Variants in ASZ1 observed in about 807,000 individuals in gnomAD.
ASZ1 encodes ankyrin repeat, SAM and basic leucine zipper domain containing 1.
Under a neutral mutation model 61.8 loss-of-function variants are expected in ASZ1, and 67 were observed. The ratio of observed to expected loss-of-function variants is 1.08; its 90% confidence interval spans 0.89 to 1.33. The LOEUF (loss-of-function observed/expected upper bound fraction) is 1.33, where lower values mean the gene tolerates loss of function less well. Among genes scored for constraint, ASZ1 ranks in the 40% most tolerant of loss-of-function variants. The pLI, the probability that ASZ1 is intolerant of heterozygous loss-of-function variation, is 0.00. For missense variants in ASZ1, 577 were observed against 554.5 expected (o/e 1.04, Z -0.41); for synonymous variants, 193 against 192.7 (o/e 1.00, Z -0.01).
At chr7:117,418,510 A>T (rs1272208627) in intron 4 of ASZ1, among the ~76,000 whole-genome samples, 2 of 151,984 alleles carry the variant, frequency 1.3e-5, no homozygotes, top group Non-Finnish European at 2.9e-5. Flanking sequence ...AAAATCAGTC[A>T]GTCGTGGTGG....
intron 4 of ASZ1, among the ~76,000 whole-genome samples, chr7:117,403,095 T>C (rs1796711209): frequency 6.6e-6 from 1 of 152,176 alleles, no homozygotes; most frequent in African/African-American, 2.4e-5. Context: ...GGCAAGATGG[T>C]AAAGGTCCGT....
intron 4 of ASZ1, among the ~76,000 whole-genome samples, chr7:117,387,453 T>G (rs1454324912): frequency 1.3e-5 from 2 of 152,168 alleles, no homozygotes; most frequent in Non-Finnish European, 2.9e-5. Flanking sequence ...ACTGTTGATG[T>G]CTCATCTCCA....
intron 4 of ASZ1, among the ~76,000 whole-genome samples, chr7:117,397,225 C>T (rs1339200116): frequency 1.3e-5 from 2 of 151,610 alleles, no homozygotes; most frequent in African/African-American, 2.4e-5. Flanking sequence ...TGAACCGAAC[C>T]GAACCGAACC....
rs10709348 is a variant in ASZ1, at chr7:117,401,381, GTT to G, written c.441-15574_441-15573del. Among the ~76,000 whole-genome samples the G allele has an allele frequency of 8.9e-3, 1,285 of 144,722 alleles. 36 individuals carry two copies. The highest frequency in any genetic ancestry group is 0.06 in the Admixed American group (877 of 14,664). The allele number at this position is 144,722 out of a possible 152,430, so 94.9% of individuals were successfully genotyped here. A position where few individuals can be genotyped will look rare whatever the true frequency, so the allele number is the denominator to read the frequency against. ...TACATAGGGATATCATAGCAAAGCT[GTT>G]TTTTTTTTTTTAAAAAAAAAGACCA... On this transcript the variant is annotated intron_variant, in intron 4 of 12. Transcript: ENST00000284629.
At chr7:117,406,115 G>C (rs969078561) in intron 4 of ASZ1, among the ~76,000 whole-genome samples, 15 of 152,218 alleles carry the variant, frequency 9.9e-5, no homozygotes, top group African/African-American at 2.6e-4. Flanking sequence ...AATGCTGTCG[G>C]GCATAGAAGC....
At chr7:117,407,226 G>A (rs941821750) in intron 4 of ASZ1, among the ~76,000 whole-genome samples, 1 of 152,084 alleles carries the variant, frequency 6.6e-6, no homozygotes, top group African/African-American at 2.4e-5. Flanking sequence ...ACATGCTCAA[G>A]AAAGCTGATA....
chr7:117,415,760 T>C (rs879257775), intron 4 of ASZ1, among the ~76,000 whole-genome samples: 13 of 151,730 alleles, frequency 8.6e-5, no homozygotes, highest in East Asian at 1.9e-4. Flanking sequence ...AAATGAAATA[T>C]AAAACAACAA....
chr7:117,389,086 T>G lies in ASZ1; in HGVS notation c.441-3277A>C, dbSNP rs536465141. Among the ~76,000 whole-genome samples the G allele has an allele frequency of 1.1e-4, 16 of 152,310 alleles. No homozygotes were observed. The South Asian group carries it at 3.3e-3, about 32-fold the overall frequency. On this transcript the variant is annotated intron_variant, in intron 4 of 12. Transcript: ENST00000284629. ...ATTAGAAATGCACCTAGTATTTGCA[T>G]ATATGCATATATAAATACAGGGTGA...
At chr7:117,414,333 C>G (rs1030896960) in intron 4 of ASZ1, among the ~76,000 whole-genome samples, 1 of 151,994 alleles carries the variant, frequency 6.6e-6, no homozygotes, top group Non-Finnish European at 1.5e-5. Flanking sequence ...CATTGACACC[C>G]AGGAATCCAA....
intron 4 of ASZ1, among the ~76,000 whole-genome samples, chr7:117,398,726 C>G (rs1051277579): frequency 2.0e-5 from 3 of 152,212 alleles, no homozygotes; most frequent in African/African-American, 7.2e-5. Flanking sequence ...ACACAGGTTA[C>G]TATCTAGCCT....
At chr7:117,367,870 G>A in intron 11 of ASZ1, 1 of 985,950 alleles carries the variant, frequency 1.0e-6, no homozygotes, top group South Asian at 4.7e-5. Context: ...TGCTTTTGCA[G>A]GCCACTTCCA....
At chr7:117,405,645 C>T (rs1053093611) in intron 4 of ASZ1, among the ~76,000 whole-genome samples, 1 of 152,216 alleles carries the variant, frequency 6.6e-6, no homozygotes, top group Admixed American at 6.5e-5. Flanking sequence ...TTTCCCTGAT[C>T]GCATCATCTT....
intron 4 of ASZ1, among the ~76,000 whole-genome samples, chr7:117,391,106 C>T (rs1796458851): frequency 6.6e-6 from 1 of 150,988 alleles, no homozygotes. Flanking sequence ...TTTCATGTTT[C>T]TTGACTGCTT....
intron 10 of ASZ1, among the ~76,000 whole-genome samples, chr7:117,379,098 G>A (rs1275243601): frequency 7.1e-6 from 1 of 140,278 alleles, no homozygotes; most frequent in Non-Finnish European, 1.5e-5. Flanking sequence ...CATTGAACAC[G>A]GAAGTAGTTA....
At chr7:117,397,146 C>T (rs975822401) in intron 4 of ASZ1, among the ~76,000 whole-genome samples, 1 of 152,076 alleles carries the variant, frequency 6.6e-6, no homozygotes, top group African/African-American at 2.4e-5. Context: ...GATGCTGAGG[C>T]AGGAGTATCT....
intron 4 of ASZ1, among the ~76,000 whole-genome samples, chr7:117,392,304 G>C (rs962229725): frequency 2.0e-5 from 3 of 152,024 alleles, no homozygotes; most frequent in African/African-American, 7.2e-5. Flanking sequence ...CTCCTGTAGA[G>C]ATCTTTTACC....
chr7:117,409,320 A>G (rs1027901262), intron 4 of ASZ1, among the ~76,000 whole-genome samples: 2 of 151,992 alleles, frequency 1.3e-5, no homozygotes, highest in African/African-American at 4.8e-5. Context: ...AAAACAAGGA[A>G]AGAATTTATT....
chr7:117,420,429 C>T (rs879679142), intron 3 of ASZ1, among the ~76,000 whole-genome samples, 155 bp from the exon 4 acceptor site: 2 of 152,156 alleles, frequency 1.3e-5, no homozygotes, highest in African/African-American at 2.4e-5. Flanking sequence ...CTTCCTTCAT[C>T]GAAAGATGAG....
chr7:117,381,880 T>C (rs1796260809), intron 8 of ASZ1, among the ~76,000 whole-genome samples, 189 bp downstream of exon 8: 1 of 152,184 alleles, frequency 6.6e-6, no homozygotes. Context: ...TTCTAATTTA[T>C]GTAAATTTCT....
Sources: allele counts gnomAD v4.1 joint callset (sites outside exome capture counted in the v4.1 genomes callset), GRCh38; gene constraint gnomAD v4.1.1; transcripts MANE v1.5; gene names NCBI Gene and HGNC (gene_info 2026-07-23, HGNC 2026-07-21).